ARHGEF18: variants seen among roughly 807,000 people sequenced by gnomAD.
The protein encoded by ARHGEF18 is Rho/Rac guanine nucleotide exchange factor 18, also known as rho guanine nucleotide exchange factor 18.
In ARHGEF18, 93 loss-of-function variants were observed where a neutral mutation model predicts 155.7. That is an observed-to-expected ratio of 0.60 (90% CI 0.50 to 0.71). The LOEUF is 0.71. ARHGEF18 is among the 30% of genes least tolerant of loss of function. The pLI, the probability that ARHGEF18 is intolerant of heterozygous loss-of-function variation, is 0.00. For synonymous variants in ARHGEF18, 742 were observed against 753.1 expected, an observed-to-expected ratio of 0.99 and a Z score of 0.24; for missense variants, 1,593 against 1,816.1, an observed-to-expected ratio of 0.88 and a Z score of 2.23.
chr19:7,366,043 T>A (rs1008920889), intron 2 of ARHGEF18, among the ~76,000 whole-genome samples: 1 of 152,154 alleles, frequency 6.6e-6, no homozygotes, highest in African/African-American at 2.4e-5. Flanking sequence ...CCTCCCAGGT[T>A]CAAGAGATTC....
chr19:7,376,742 A>AC lies in ARHGEF18; in HGVS notation c.527dup (p.Pro177SerfsTer61). ...AATCTCTCCGGGTTTGGAAGTGCCC[A>AC]CTCCACCTGTTCAAGGTAGCCAGCC... On this transcript the variant is annotated frameshift_variant, in exon 5 of 29. Transcript: ENST00000668164. LOFTEE classifies it high-confidence loss of function. 8.1e-7 allele frequency: 1 copy of AC among 1,234,264 alleles called. No homozygotes were observed. The highest frequency in any genetic ancestry group is 1.0e-6 in the Non-Finnish European group (1 of 988,154). 76.5% of individuals were successfully genotyped at this position (1,234,264 alleles called of 1,614,324 possible). A position where few individuals can be genotyped will look rare whatever the true frequency, so the allele number is the denominator to read the frequency against.
chr19:7,456,031 GTGT>G (rs111629239), intron 17 of ARHGEF18, among the ~76,000 whole-genome samples: 4,352 of 152,326 alleles, frequency 0.029, 199 homozygotes, highest in African/African-American at 0.095. Context: ...GACCCAGCAG[GTGT>G]TGTTACAGCA....
intron 10 of ARHGEF18, among the ~76,000 whole-genome samples, chr19:7,384,834 G>C (rs1970918243): frequency 6.6e-6 from 1 of 152,002 alleles, no homozygotes; most frequent in Admixed American, 6.6e-5. Flanking sequence ...TGGGTCTACA[G>C]GTGTGCACCA....
intron 26 of ARHGEF18, 27 bp from the exon 27 acceptor site, chr19:7,468,798 T>C: frequency 6.6e-7 from 1 of 1,508,692 alleles, no homozygotes; most frequent in Non-Finnish European, 8.9e-7. Context: ...AACCTCACAT[T>C]GGATGTATCT....
chr19:7,467,535 C>T lies in ARHGEF18; in HGVS notation c.3331C>T (p.Arg1111Cys). ...GGAGCAGGAGCGGGCCGAGCTGGAG[C>T]GCCAGCGCCAGGCCTACCAGCACGA... ...RLEQERAELERQRQAYQHDLE... is the reference protein window; with the variant it reads ...RLEQERAELECQRQAYQHDLE... The change falls in exon 26 of 29, where the codon CGC becomes TGC. Residue 1111 changes from arginine to cysteine, a missense_variant. Transcript: ENST00000668164. 6.9e-7 allele frequency: 1 copy of T among 1,446,146 alleles called. No homozygotes were observed. The highest frequency in any genetic ancestry group is 9.0e-7 in the Non-Finnish European group (1 of 1,110,914). 89.6% of individuals were successfully genotyped at this position (1,446,146 alleles called of 1,614,324 possible). A position where few individuals can be genotyped will look rare whatever the true frequency, so the allele number is the denominator to read the frequency against.
chr19:7,383,734 A>G (rs1970856843), intron 10 of ARHGEF18, among the ~76,000 whole-genome samples: 1 of 150,244 alleles, frequency 6.7e-6, no homozygotes, highest in South Asian at 2.1e-4. Context: ...GTGTGGCCTC[A>G]GCTTAGCTTA....
rs572625501 is a variant in ARHGEF18 at position 7,453,202 on chromosome 19, C to T, written c.1856-265C>T. ...ACAGAGCCAGACTCCGTCCACCCTA[C>T]CCTCCCCCCCCCAAAAAAAACCTAA... On this transcript the variant is annotated intron_variant, in intron 16 of 28. Transcript: ENST00000668164. 8.6e-4 allele frequency among the ~76,000 whole-genome samples: 127 copies of T among 147,052 alleles called. 2 individuals are homozygous for T. The South Asian group carries it at 0.028, about 32-fold the overall frequency.
At chr19:7,370,165 C>T (rs144971104) in intron 2 of ARHGEF18, among the ~76,000 whole-genome samples, 2,254 of 152,160 alleles carry the variant, frequency 0.015, 48 homozygotes, top group African/African-American at 0.051. Flanking sequence ...CCACTCCACT[C>T]CAGCCTGGGT....
At chr19:7,426,487 A>AAAG (rs1440973581) in intron 10 of ARHGEF18, among the ~76,000 whole-genome samples, 12 of 56,360 alleles carry the variant, frequency 2.1e-4, no homozygotes, top group Non-Finnish European at 1.9e-4. Context: ...ACTCTGTCTC[A>AAAG]AAAAAAAAAA....
rs1317543353 is a variant in ARHGEF18 at position 7,362,116 on chromosome 19, AAGG to A, written c.-110-662_-110-660del. On this transcript the variant is annotated intron_variant, in intron 1 of 28. Coordinates refer to ENST00000668164, the MANE Select transcript of ARHGEF18 (RefSeq NM_001367823.1). Reference sequence around the variant, plus strand: ...GAAGGAGAAGGAGAAGGAGAAGGAGAAGGAGAAGGAGAAGGAGAAGGAGAAGGA... The same window carrying A: ...GAAGGAGAAGGAGAAGGAGAAGGAGAAGAAGGAGAAGGAGAAGGAGAAGGA... Among the ~76,000 whole-genome samples, 8 of 26,534 alleles carry A rather than the reference AAGG, an allele frequency of 3.0e-4. 1 individual carries two copies. Among genetic ancestry groups the A allele is most frequent in the African/African-American group, 2.9e-3 (8 of 2,794 alleles). The allele number at this position is 26,534 out of a possible 152,430, so 17.4% of individuals were successfully genotyped here.
At chr19:7,410,399 C>T (rs1972604212) in intron 10 of ARHGEF18, among the ~76,000 whole-genome samples, 1 of 151,192 alleles carries the variant, frequency 6.6e-6, no homozygotes, top group African/African-American at 2.5e-5. Context: ...TATATATACA[C>T]ACACACATAC....
Position 7,462,015 on chromosome 19 carries a change from G to T in ARHGEF18, c.2453-137G>T. 1 of 920,124 alleles carries T rather than the reference G, an allele frequency of 1.1e-6. No individual in the cohort carries two copies. The highest frequency in any genetic ancestry group is 1.7e-6 in the Non-Finnish European group (1 of 588,658). The allele number at this position is 920,124 out of a possible 1,614,324, so 57.0% of individuals were successfully genotyped here. On this transcript the variant is annotated intron_variant, in intron 20 of 28. Transcript: ENST00000668164. This position sits in a 1 kb window ranked among gnomAD's most constrained non-coding sequence, Gnocchi z 4.4. ...GGCCATGCCCTCCCCTACCTCCCAG[G>T]AATGCAGGACACAAGGGGGCAGCCT...
chr19:7,370,406 G>A (rs909117741), intron 2 of ARHGEF18, among the ~76,000 whole-genome samples: 13 of 151,926 alleles, frequency 8.6e-5, no homozygotes, highest in Non-Finnish European at 1.8e-4. Context: ...TGAGGCAGGA[G>A]AATGGCGTGA....
chr19:7,355,898 G>A (rs1288070441), intron 1 of ARHGEF18, among the ~76,000 whole-genome samples: 2 of 152,190 alleles, frequency 1.3e-5, no homozygotes, highest in African/African-American at 4.8e-5. Flanking sequence ...TCTTGTTTCA[G>A]AGGAAATGTC....
rs182900018 is a variant in ARHGEF18 at position 7,404,017 on chromosome 19, G to C, written c.967+20814G>C. On this transcript the variant is annotated intron_variant, in intron 10 of 28. Transcript: ENST00000668164. ...GAGGCGGCGGAGGTTGTAGTCAGAC[G>C]AGATTGAGCCAGTGCATGTCAGCCT... Among the ~76,000 whole-genome samples, 6 of 151,424 alleles carry C rather than the reference G, an allele frequency of 4.0e-5. No homozygotes were observed. In the South Asian group the frequency reaches 1.2e-3, roughly 32 times the overall value.
chr19:7,402,359 C>T (rs1261750801), intron 10 of ARHGEF18, among the ~76,000 whole-genome samples: 4 of 152,142 alleles, frequency 2.6e-5, no homozygotes, highest in Admixed American at 2.6e-4. Context: ...ACGGAGGTTG[C>T]AGTGAGCCGA....
chr19:7,442,441 C>A (rs1312981495), intron 13 of ARHGEF18, among the ~76,000 whole-genome samples: 3 of 152,082 alleles, frequency 2.0e-5, no homozygotes, highest in Non-Finnish European at 4.4e-5. Flanking sequence ...CACCATGTTG[C>A]CCAGGCTGGT....
rs1972997567 is a variant in ARHGEF18 at position 7,416,235 on chromosome 19, C to CT, written c.968-24108dup. 4.8e-5 allele frequency among the ~76,000 whole-genome samples: 5 copies of CT among 104,038 alleles called. No individual in the cohort carries two copies. In the South Asian group the frequency reaches 1.9e-3, roughly 40 times the overall value. 68.3% of individuals were successfully genotyped at this position (104,038 alleles called of 152,430 possible). A position where few individuals can be genotyped will look rare whatever the true frequency, so the allele number is the denominator to read the frequency against. ...TGGGCAACATAGCAAGACCCTATCT[C>CT]TAAAAAAAAAATTTTTTTTAATTAG... On this transcript the variant is annotated intron_variant, in intron 10 of 28. Coordinates refer to ENST00000668164, the MANE Select transcript of ARHGEF18 (RefSeq NM_001367823.1).
At chr19:7,366,794 T>C (rs1034854073) in intron 2 of ARHGEF18, among the ~76,000 whole-genome samples, 1 of 152,016 alleles carries the variant, frequency 6.6e-6, no homozygotes, top group Non-Finnish European at 1.5e-5. Flanking sequence ...GACGGGGTCT[T>C]CTCTGTCACC....
Sources: gnomAD v4.1 joint callset for allele counts (sites outside exome capture counted in the v4.1 genomes callset) on GRCh38, gnomAD v4.1.1 for gene constraint, Gnocchi (gnomAD v3.1) non-coding constraint, MANE v1.5 for transcripts, NCBI Gene and HGNC (gene_info 2026-07-23, HGNC 2026-07-21) for gene names.